Variants in PPFIA2 observed in about 807,000 individuals in gnomAD.
The protein encoded by PPFIA2 is liprin-alpha-2.
PPFIA2 carries 46 observed loss-of-function variants against 175.5 expected under a neutral mutation model. That is an observed-to-expected ratio of 0.26 (90% confidence interval 0.21 to 0.34). The LOEUF (loss-of-function observed/expected upper bound fraction) is 0.34. PPFIA2 is among the 10% of genes least tolerant of loss of function. The probability of loss-of-function intolerance (pLI) is 1.00; values close to 1 mark genes in which losing one functional copy is unlikely to be tolerated. For synonymous variants in PPFIA2, 568 were observed against 511.4 expected (o/e 1.11, Z -1.49); for missense variants, 1,179 against 1,506.1 (o/e 0.78, Z 3.60).
intron 4 of PPFIA2, among the ~76,000 whole-genome samples, chr12:81,642,871 T>C (rs1488558317): frequency 1.4e-5 from 2 of 142,928 alleles, no homozygotes; most frequent in Non-Finnish European, 3.0e-5. Context: ...ACATATGTGT[T>C]GTAAGAATGA....
At chr12:81,669,535 C>G (rs2071018906) in intron 4 of PPFIA2, among the ~76,000 whole-genome samples, 1 of 151,868 alleles carries the variant, frequency 6.6e-6, no homozygotes, top group Non-Finnish European at 1.5e-5. Flanking sequence ...AAACAATCAT[C>G]CTATAGGATC....
At chr12:81,742,389 G>C (rs1302926279) in intron 3 of PPFIA2, among the ~76,000 whole-genome samples, 18 of 152,166 alleles carry the variant, frequency 1.2e-4, no homozygotes, top group Admixed American at 1.2e-3. Context: ...CTAGGATGGA[G>C]TTGCAGAGGT....
intron 4 of PPFIA2, among the ~76,000 whole-genome samples, chr12:81,522,026 A>G (rs2063218151): frequency 2.0e-5 from 3 of 152,348 alleles, no homozygotes; most frequent in Admixed American, 2.0e-4. Flanking sequence ...AGATGAATCA[A>G]ATAAAATATT....
chr12:81,374,874 GCCACTA>G (rs2035998988), intron 10 of PPFIA2, 106 bp from the exon 11 acceptor site: 1 of 1,026,354 alleles, frequency 9.7e-7, no homozygotes, highest in Non-Finnish European at 1.4e-6. Flanking sequence ...ATTTAAATCA[GCCACTA>G]CCACACCTAA....
intron 5 of PPFIA2, among the ~76,000 whole-genome samples, chr12:81,447,486 T>C (rs978229754): frequency 2.0e-5 from 3 of 152,176 alleles, no homozygotes; most frequent in African/African-American, 7.2e-5. Flanking sequence ...ACCAGCTCTT[T>C]CTCATTCTTT....
chr12:81,332,969 T>G (rs1594949627), intron 21 of PPFIA2, among the ~76,000 whole-genome samples: 1 of 152,156 alleles, frequency 6.6e-6, no homozygotes, highest in Non-Finnish European at 1.5e-5. Flanking sequence ...TATTTTATGG[T>G]GTTTTAGTTG....
At chr12:81,732,710 A>G (rs943099844) in intron 3 of PPFIA2, among the ~76,000 whole-genome samples, 4 of 151,618 alleles carry the variant, frequency 2.6e-5, no homozygotes, top group African/African-American at 7.3e-5. Flanking sequence ...TGCTCATGAT[A>G]TGTTAAGTGA....
At chr12:81,326,710 T>C (rs981341104) in intron 21 of PPFIA2, among the ~76,000 whole-genome samples, 1 of 152,100 alleles carries the variant, frequency 6.6e-6, no homozygotes, top group Non-Finnish European at 1.5e-5. Context: ...AAATTATCTG[T>C]TGTAATTGAA....
chr12:81,595,943 C>A (rs2059199024), intron 4 of PPFIA2, among the ~76,000 whole-genome samples: 1 of 152,148 alleles, frequency 6.6e-6, no homozygotes, highest in Admixed American at 6.5e-5. Context: ...AAAATCCCAA[C>A]TCCTTGATGC....
chr12:81,343,179 T>C (rs1392972001), intron 19 of PPFIA2, among the ~76,000 whole-genome samples: 1 of 152,118 alleles, frequency 6.6e-6, no homozygotes, highest in Non-Finnish European at 1.5e-5. Context: ...CCATCATTTA[T>C]TTAACTCGTT....
At chr12:81,555,957 C>T (rs2068782930) in intron 4 of PPFIA2, among the ~76,000 whole-genome samples, 2 of 151,712 alleles carry the variant, frequency 1.3e-5, no homozygotes, top group Non-Finnish European at 2.9e-5. Flanking sequence ...AAAATAGAGA[C>T]CCTTGGGGTT....
At chr12:81,453,919 T>G (rs1349458101) in intron 5 of PPFIA2, among the ~76,000 whole-genome samples, 2 of 152,108 alleles carry the variant, frequency 1.3e-5, no homozygotes, top group African/African-American at 4.8e-5. Flanking sequence ...TAGGATTGAA[T>G]TACAAAAATT....
chr12:81,443,468 T>C (rs2050607963), intron 6 of PPFIA2, among the ~76,000 whole-genome samples: 2 of 152,160 alleles, frequency 1.3e-5, no homozygotes, highest in South Asian at 4.1e-4. Context: ...CTCATATAGT[T>C]ATGCTAAACC....
chr12:81,718,166 T>C (rs2078882087), intron 3 of PPFIA2, among the ~76,000 whole-genome samples: 1 of 151,658 alleles, frequency 6.6e-6, no homozygotes, highest in Non-Finnish European at 1.5e-5. Flanking sequence ...TTTTAATATG[T>C]CAGGTAGTGA....
At chr12:81,353,803 G>A (rs1425550848) in intron 16 of PPFIA2, among the ~76,000 whole-genome samples, 4 of 151,862 alleles carry the variant, frequency 2.6e-5, no homozygotes, top group Non-Finnish European at 4.4e-5. Flanking sequence ...TATTTACATC[G>A]ATTCTAACAA....
At chr12:81,457,339 A>G (rs7306464) in intron 5 of PPFIA2, among the ~76,000 whole-genome samples, 23,035 of 151,092 alleles carry the variant, frequency 0.15, 2,620 homozygotes, top group East Asian at 0.47. Context: ...TGAGAACCAA[A>G]CCCAGGCCAC....
At chr12:81,454,447 A>G (rs947391340) in intron 5 of PPFIA2, among the ~76,000 whole-genome samples, 2 of 152,190 alleles carry the variant, frequency 1.3e-5, no homozygotes, top group Non-Finnish European at 2.9e-5. Flanking sequence ...CTTGAATTAA[A>G]TGGGAATAAT....
chr12:81,485,316 TC>T (rs2146853063), intron 4 of PPFIA2, among the ~76,000 whole-genome samples: 1 of 151,942 alleles, frequency 6.6e-6, no homozygotes, highest in African/African-American at 2.4e-5. Context: ...CTTTTCATCA[TC>T]ATTTAGTCTT....
chr12:81,423,947 C>A (rs997058329), intron 7 of PPFIA2, among the ~76,000 whole-genome samples: 57 of 151,952 alleles, frequency 3.8e-4, no homozygotes, highest in Non-Finnish European at 8.4e-4. Context: ...TTTCCACACA[C>A]AAACAACAAT....
Sources: allele counts gnomAD v4.1 joint callset (sites outside exome capture counted in the v4.1 genomes callset), GRCh38; gene constraint gnomAD v4.1.1; transcripts MANE v1.5; gene names NCBI Gene and HGNC (gene_info 2026-07-23, HGNC 2026-07-21).